GRID2: variants seen among roughly 807,000 people sequenced by gnomAD.
GRID2 encodes the protein glutamate receptor ionotropic, delta-2.
A neutral mutation model predicts 114.8 loss-of-function variants in GRID2; 33 were observed. That is an observed-to-expected ratio of 0.29 (90% CI 0.22 to 0.38). The LOEUF is 0.38. GRID2 is among the 10% of genes least tolerant of loss of function. The pLI, the probability that GRID2 is intolerant of heterozygous loss-of-function variation, is 1.00. For synonymous variants in GRID2, 505 were observed against 449.9 expected, an observed-to-expected ratio of 1.12 and a Z score of -1.55; for missense variants, 1,184 against 1,257.7, an observed-to-expected ratio of 0.94 and a Z score of 0.89.
chr4:93,764,249 C>T (rs1174322775), intron 14 of GRID2, among the ~76,000 whole-genome samples: 1 of 151,852 alleles, frequency 6.6e-6, no homozygotes, highest in Non-Finnish European at 1.5e-5. Flanking sequence ...TCATTTATAC[C>T]AATAAAGAAA....
chr4:93,256,113 T>C (rs1749553809), intron 8 of GRID2, among the ~76,000 whole-genome samples: 1 of 152,116 alleles, frequency 6.6e-6, no homozygotes, highest in Admixed American at 6.6e-5. Flanking sequence ...GACTTTCTCC[T>C]ACAATATTTT....
intron 1 of GRID2, among the ~76,000 whole-genome samples, chr4:92,411,339 T>G (rs1294648568): frequency 6.6e-6 from 1 of 152,106 alleles, no homozygotes; most frequent in Non-Finnish European, 1.5e-5. Context: ...ATTTGCTTCA[T>G]ATTTACCTTA....
rs145159530 is a variant in GRID2 at position 92,932,562 on chromosome 4, T to G, written c.245-152433T>G. Among the ~76,000 whole-genome samples, 675 of 151,380 alleles carry G rather than the reference T, an allele frequency of 4.5e-3. 7 individuals are homozygous for G. The highest frequency in any genetic ancestry group is 0.016 in the African/African-American group (650 of 41,408). ...AATCAAGCAACCCCATTCCCAGATATTTGCCCAAGAGAAATGAAATCATAT... is the reference window on the plus strand; with the variant it reads ...AATCAAGCAACCCCATTCCCAGATAGTTGCCCAAGAGAAATGAAATCATAT... On this transcript the variant is annotated intron_variant, in intron 2 of 15. Coordinates refer to ENST00000282020, the MANE Select transcript of GRID2 (RefSeq NM_001510.4).
chr4:93,104,941 C>T (rs1408655270), intron 3 of GRID2, among the ~76,000 whole-genome samples: 1 of 151,836 alleles, frequency 6.6e-6, no homozygotes, highest in Non-Finnish European at 1.5e-5. Flanking sequence ...AAAAGTGTTC[C>T]TGTTTCTCCA....
At chr4:92,439,889 G>T (rs934401557) in intron 1 of GRID2, among the ~76,000 whole-genome samples, 2 of 145,104 alleles carry the variant, frequency 1.4e-5, no homozygotes, top group South Asian at 4.7e-4. Context: ...AGTGTAAACC[G>T]GCAGTGTAAA....
intron 12 of GRID2, among the ~76,000 whole-genome samples, chr4:93,494,957 GC>G (rs1442383426): frequency 2.0e-5 from 3 of 151,700 alleles, no homozygotes; most frequent in Non-Finnish European, 4.4e-5. Flanking sequence ...ACTTCCAAAA[GC>G]TACCTAGTTC....
At chr4:92,681,046 AT>A (rs1315662827) in intron 2 of GRID2, among the ~76,000 whole-genome samples, 2 of 152,182 alleles carry the variant, frequency 1.3e-5, no homozygotes, top group Admixed American at 6.5e-5. Flanking sequence ...ATGAAGAGAA[AT>A]TGGAAACAAT....
At chr4:92,502,495 A>G (rs1723733967) in intron 1 of GRID2, among the ~76,000 whole-genome samples, 1 of 152,086 alleles carries the variant, frequency 6.6e-6, no homozygotes, top group Non-Finnish European at 1.5e-5. Flanking sequence ...AATACATGCA[A>G]CTACATGATA....
chr4:93,283,038 A>C (rs1214965352), intron 8 of GRID2, among the ~76,000 whole-genome samples: 1 of 152,078 alleles, frequency 6.6e-6, no homozygotes. Context: ...ACCAGGCCCC[A>C]TCTCCAACAT....
chr4:92,330,615 A>G lies in GRID2; in HGVS notation c.88+25871A>G, dbSNP rs1726833449. Among the ~76,000 whole-genome samples the G allele has an allele frequency of 2.0e-5, 3 of 152,156 alleles. 1 individual carries two copies. Among genetic ancestry groups the G allele is most frequent in the South Asian group, 4.1e-4 (2 of 4,832 alleles). On this transcript the variant is annotated intron_variant, in intron 1 of 15. Transcript: ENST00000282020. ...TGGAAACGTCTTATTCATTATTCCAAAAAGAATCTTCTTGTGGTTTCTATA... is the reference window on the plus strand; with the variant it reads ...TGGAAACGTCTTATTCATTATTCCAGAAAGAATCTTCTTGTGGTTTCTATA...
intron 12 of GRID2, among the ~76,000 whole-genome samples, chr4:93,513,837 T>G (rs1729435226): frequency 6.6e-6 from 1 of 152,196 alleles, no homozygotes; most frequent in Admixed American, 6.6e-5. Flanking sequence ...AACACAATTT[T>G]GTACATGATG....
At chr4:93,403,670 A>C (rs1313762230) in intron 9 of GRID2, among the ~76,000 whole-genome samples, 2 of 152,156 alleles carry the variant, frequency 1.3e-5, no homozygotes, top group African/African-American at 4.8e-5. Flanking sequence ...TCAAAACCAC[A>C]ATGAGCTATG....
chr4:92,454,122 C>T (rs897588849), intron 1 of GRID2, among the ~76,000 whole-genome samples: 2 of 148,378 alleles, frequency 1.3e-5, no homozygotes, highest in African/African-American at 4.9e-5. Context: ...ATAATAATGA[C>T]ACATTGTTTT....
intron 2 of GRID2, among the ~76,000 whole-genome samples, chr4:92,745,511 A>G (rs1326061745): frequency 6.6e-6 from 1 of 152,078 alleles, no homozygotes; most frequent in Non-Finnish European, 1.5e-5. Flanking sequence ...CAGTTGTTCT[A>G]CTCCTGACAG....
chr4:92,818,113 G>T (rs1479076694), intron 2 of GRID2, among the ~76,000 whole-genome samples: 1 of 152,044 alleles, frequency 6.6e-6, no homozygotes, highest in Non-Finnish European at 1.5e-5. Flanking sequence ...AACTGTTTCT[G>T]TTATCTCAGG....
At chr4:92,328,424 T>TG (rs1726706058) in intron 1 of GRID2, among the ~76,000 whole-genome samples, 1 of 152,056 alleles carries the variant, frequency 6.6e-6, no homozygotes, top group Non-Finnish European at 1.5e-5. Context: ...ATAACGGACT[T>TG]GCGTTCATTA....
intron 13 of GRID2, among the ~76,000 whole-genome samples, chr4:93,584,035 A>T (rs1737274418): frequency 1.3e-5 from 2 of 152,180 alleles, no homozygotes; most frequent in Admixed American, 6.5e-5. Flanking sequence ...CCTCTATTAA[A>T]TTGGAAAGAA....
At chr4:92,699,470 T>A (rs1219463642) in intron 2 of GRID2, among the ~76,000 whole-genome samples, 3 of 152,160 alleles carry the variant, frequency 2.0e-5, no homozygotes, top group Non-Finnish European at 1.5e-5. Flanking sequence ...TCAGATGTGA[T>A]TAAATGAGGT....
chr4:93,606,892 A>G (rs1740296211), intron 13 of GRID2, among the ~76,000 whole-genome samples: 1 of 152,176 alleles, frequency 6.6e-6, no homozygotes, highest in African/African-American at 2.4e-5. Flanking sequence ...TTCTAAACAT[A>G]AAACAAAAAT....
Sources: allele counts gnomAD v4.1 joint callset (sites outside exome capture counted in the v4.1 genomes callset), GRCh38; gene constraint gnomAD v4.1.1; transcripts MANE v1.5; gene names NCBI Gene and HGNC (gene_info 2026-07-23, HGNC 2026-07-21).